The following GNAL variants were observed in gnomAD, a reference collection of about 807,000 sequenced individuals.
GNAL encodes the protein guanine nucleotide-binding protein G(olf) subunit alpha.
A neutral mutation model predicts 55.1 loss-of-function variants in GNAL; 18 were observed. That is an observed-to-expected ratio of 0.33 (90% CI 0.23 to 0.48). The LOEUF is 0.48. Ranked by LOEUF, GNAL falls within the 20% of genes least tolerant of loss-of-function variation. The pLI is 0.99. For missense variants in GNAL, 412 were observed against 614.1 expected (o/e 0.67, Z 3.48); for synonymous variants, 253 against 237.0 (o/e 1.07, Z -0.62).
At chr18:11,759,821 A>G (rs965315913) in intron 4 of GNAL, among the ~76,000 whole-genome samples, 9 of 152,222 alleles carry the variant, frequency 5.9e-5, no homozygotes, top group Non-Finnish European at 4.4e-5. Context: ...TCTTCCGCAC[A>G]ATATCTGTGT....
At chr18:11,767,162 T>C (rs969586500) in intron 4 of GNAL, among the ~76,000 whole-genome samples, 3 of 151,972 alleles carry the variant, frequency 2.0e-5, no homozygotes, top group African/African-American at 7.3e-5. Flanking sequence ...TGCACCCTTA[T>C]GCTTGCACAC....
chr18:11,852,132 T>C, intron 5 of GNAL: 1 of 1,558,362 alleles, frequency 6.4e-7, no homozygotes, highest in Non-Finnish European at 8.7e-7. Flanking sequence ...CGCTCTGAGG[T>C]TTCCTGGCCA....
At chr18:11,697,568 AAG>A (rs890673585) in intron 1 of GNAL, among the ~76,000 whole-genome samples, 4 of 151,300 alleles carry the variant, frequency 2.6e-5, no homozygotes, top group African/African-American at 9.7e-5. Flanking sequence ...AGAAAAAAAA[AAG>A]AGAGAGAGAG....
intron 4 of GNAL, among the ~76,000 whole-genome samples, chr18:11,814,760 G>A (rs1438640492): frequency 6.6e-6 from 1 of 151,122 alleles, no homozygotes; most frequent in Non-Finnish European, 1.5e-5. Context: ...ACTGGGCATG[G>A]GGTGGCACAT....
intron 1 of GNAL, among the ~76,000 whole-genome samples, chr18:11,720,346 C>T (rs1174628680): frequency 6.6e-6 from 1 of 152,128 alleles, no homozygotes; most frequent in Non-Finnish European, 1.5e-5. Context: ...GATAGGTCTA[C>T]TAATAAAAAG....
At chr18:11,719,645 A>G (rs1405098294) in intron 1 of GNAL, among the ~76,000 whole-genome samples, 3 of 152,210 alleles carry the variant, frequency 2.0e-5, no homozygotes, top group African/African-American at 7.2e-5. Flanking sequence ...GTTGGGTTGT[A>G]GCTTTTGGAG....
At chr18:11,855,122 A>G (rs955635656) in intron 5 of GNAL, among the ~76,000 whole-genome samples, 6 of 152,110 alleles carry the variant, frequency 3.9e-5, no homozygotes, top group Non-Finnish European at 7.4e-5. Flanking sequence ...TTGTTTTAGT[A>G]GAGTCGGGGT....
intron 4 of GNAL, among the ~76,000 whole-genome samples, chr18:11,788,428 G>A (rs574194027): frequency 6.6e-6 from 1 of 152,196 alleles, no homozygotes; most frequent in South Asian, 2.1e-4. Flanking sequence ...CCATGCAGAT[G>A]GCCTCATTTA....
intron 1 of GNAL, among the ~76,000 whole-genome samples, chr18:11,714,780 T>A (rs2031914913): frequency 6.6e-6 from 1 of 152,240 alleles, no homozygotes; most frequent in Non-Finnish European, 1.5e-5. Context: ...AGTTTTTGTA[T>A]GATTCAGTTC....
At chr18:11,735,946 C>T (rs539388221) in intron 1 of GNAL, among the ~76,000 whole-genome samples, 1 of 152,188 alleles carries the variant, frequency 6.6e-6, no homozygotes, top group African/African-American at 2.4e-5. Flanking sequence ...TCGAGCCCTC[C>T]CCCTGTTCAT....
In GNAL at chr18:11,876,621, C is replaced by A; in HGVS notation, c.1163C>A (p.Ala388Glu). 1 of 1,578,210 alleles carries A rather than the reference C, an allele frequency of 6.3e-7. No homozygotes were observed. Among genetic ancestry groups the A allele is most frequent in the Non-Finnish European group, 8.7e-7 (1 of 1,147,178 alleles). The change falls in exon 11 of 12, where the codon GCA becomes GAA. Residue 388 changes from alanine to glutamate, a missense_variant and splice_region_variant. By Grantham distance (107) the Ala-to-Glu change is moderately radical (BLOSUM62 -1). This residue lies in a region of GNAL where 79 missense variants were observed against 127.1 expected (regional missense o/e 0.62). Transcript: ENST00000334049. ...EYANYTVPED[A>E]TPDAGEDPKV... The stretch of plus-strand genomic sequence containing the variant: ...AAAGTTCCATTTGTCATTTCTACAG[C>A]AACACCAGATGCAGGAGAAGATCCC...
In GNAL at chr18:11,752,312, C is replaced by T. The variant is rs1300374097; in HGVS notation, c.377-541C>T. ...CTGAATCGGAAAACACCGAAGAGAC[C>T]AGACCATCTCTTTCAGCAGCAGGAA... On this transcript the variant is annotated intron_variant, in intron 1 of 11. Transcript: ENST00000334049. The surrounding 1 kb of genome is among the most constrained non-coding windows in gnomAD (Gnocchi z 4.5). 2 of 1,468,422 alleles carry T rather than the reference C, an allele frequency of 1.4e-6. No individual in the cohort carries two copies. The highest frequency in any genetic ancestry group is 5.3e-5 in the East Asian group (2 of 37,854). 91.0% of individuals were successfully genotyped at this position (1,468,422 alleles called of 1,614,324 possible). A position where few individuals can be genotyped will look rare whatever the true frequency, so the allele number is the denominator to read the frequency against.
chr18:11,734,363 G>A (rs571768733), intron 1 of GNAL, among the ~76,000 whole-genome samples: 5 of 151,898 alleles, frequency 3.3e-5, no homozygotes, highest in East Asian at 3.9e-4. Flanking sequence ...GGATGGTTTC[G>A]ATCCCTTGAC....
At chr18:11,843,989 A>G (rs746968037) in intron 5 of GNAL, among the ~76,000 whole-genome samples, 34 of 152,044 alleles carry the variant, frequency 2.2e-4, no homozygotes, top group Non-Finnish European at 4.4e-4. Context: ...AAAACAAAAA[A>G]CTTTATGTTT....
chr18:11,884,312 T>C lies in GNAL; in HGVS notation c.*3177T>C. 1 of 828,340 alleles carries C rather than the reference T, an allele frequency of 1.2e-6. No homozygotes were observed. The highest frequency in any genetic ancestry group is 1.9e-6 in the Non-Finnish European group (1 of 515,642). The allele number at this position is 828,340 out of a possible 1,614,324, so 51.3% of individuals were successfully genotyped here. A position where few individuals can be genotyped will look rare whatever the true frequency, so the allele number is the denominator to read the frequency against. On this transcript the variant is annotated 3_prime_UTR_variant, in exon 12 of 12. Coordinates refer to ENST00000334049, the MANE Select transcript of GNAL (RefSeq NM_182978.4). ...AACTATTTATTTTGCAGTTACTCAT[T>C]TCAGTGATTGAGAATTTCTGTGCTG...
rs1567909692 is a variant in GNAL, at chr18:11,881,356, C to T, written c.*221C>T. The T allele has an allele frequency of 4.5e-6, 2 of 448,650 alleles. No individual in the cohort carries two copies. The highest frequency in any genetic ancestry group is 8.1e-6 in the Non-Finnish European group (2 of 247,208). 27.8% of individuals were successfully genotyped at this position (448,650 alleles called of 1,614,324 possible). ...CCGCAGCATCCCACCCCCAAACCAC[C>T]GACTCTCATTGCCGACACTGCAGCA... On this transcript the variant is annotated 3_prime_UTR_variant, in exon 12 of 12. Coordinates refer to ENST00000334049, the MANE Select transcript of GNAL (RefSeq NM_182978.4). The surrounding 1 kb of genome is among the most constrained non-coding windows in gnomAD (Gnocchi z 4.8).
chr18:11,801,189 A>G (rs1200804219), intron 4 of GNAL, among the ~76,000 whole-genome samples: 1 of 152,196 alleles, frequency 6.6e-6, no homozygotes, highest in Non-Finnish European at 1.5e-5. Context: ...ACAAAAAGAT[A>G]TCTGCCCTGG....
intron 9 of GNAL, among the ~76,000 whole-genome samples, 179 bp from the exon 10 acceptor site, chr18:11,872,089 C>T (rs1343855175): frequency 6.6e-6 from 1 of 152,076 alleles, no homozygotes; most frequent in Non-Finnish European, 1.5e-5. Context: ...TCAACCTGTA[C>T]CTATATTTGT....
intron 4 of GNAL, among the ~76,000 whole-genome samples, chr18:11,803,534 T>A (rs947012660): frequency 2.0e-5 from 3 of 152,280 alleles, no homozygotes; most frequent in Non-Finnish European, 4.4e-5. Context: ...TTATATATTA[T>A]CTTTATTATT....
Sources: allele counts gnomAD v4.1 joint callset (sites outside exome capture counted in the v4.1 genomes callset), GRCh38; gene constraint gnomAD v4.1.1; regional missense constraint gnomAD v4.1.1; non-coding constraint Gnocchi (gnomAD v3.1); transcripts MANE v1.5; gene names NCBI Gene and HGNC (gene_info 2026-07-23, HGNC 2026-07-21).